WWOX: variants seen among roughly 807,000 people sequenced by gnomAD.
WWOX encodes the protein WW domain-containing oxidoreductase.
Under a neutral mutation model 46.2 loss-of-function variants are expected in WWOX, and 69 were observed. The ratio of observed to expected loss-of-function variants is 1.49; its 90% confidence interval spans 1.23 to 1.82. WWOX has a LOEUF of 1.82. Among genes scored for constraint, WWOX ranks in the 40% most tolerant of loss-of-function variants. The probability of loss-of-function intolerance (pLI) is 0.00; values close to 1 mark genes in which losing one functional copy is unlikely to be tolerated. For missense variants in WWOX, 919 were observed against 542.6 expected (o/e 1.69, Z -6.89); for synonymous variants, 359 against 202.6 (o/e 1.77, Z -6.56).
At chr16:78,612,027 C>G (rs1015752112) in intron 8 of WWOX, among the ~76,000 whole-genome samples, 1 of 152,214 alleles carries the variant, frequency 6.6e-6, no homozygotes, top group Non-Finnish European at 1.5e-5. Context: ...AGACTTAAGA[C>G]TTCTCAAGCA....
intron 5 of WWOX, among the ~76,000 whole-genome samples, chr16:78,375,194 T>C (rs1212365539): frequency 6.6e-6 from 1 of 152,260 alleles, no homozygotes; most frequent in Non-Finnish European, 1.5e-5. Flanking sequence ...ACCGTCGTCG[T>C]CATTTCTCAA....
intron 4 of WWOX, among the ~76,000 whole-genome samples, chr16:78,153,264 T>G (rs568641053): frequency 6.6e-6 from 1 of 152,312 alleles, no homozygotes; most frequent in East Asian, 1.9e-4. Flanking sequence ...TCTTAGAACT[T>G]CATCTGGAAA....
intron 1 of WWOX, chr16:78,100,273 A>G (rs1597190736): frequency 9.2e-7 from 1 of 1,090,012 alleles, no homozygotes; most frequent in Non-Finnish European, 1.1e-6. Flanking sequence ...TGTTTTGTCC[A>G]GACCGGTATT....
At chr16:78,959,851 C>T (rs1010141081) in intron 8 of WWOX, among the ~76,000 whole-genome samples, 3 of 152,164 alleles carry the variant, frequency 2.0e-5, no homozygotes, top group South Asian at 2.1e-4. Context: ...ATCCTGATGC[C>T]TGGTTTTCTT....
At chr16:78,643,374 G>C (rs2046765986) in intron 8 of WWOX, among the ~76,000 whole-genome samples, 1 of 152,092 alleles carries the variant, frequency 6.6e-6, no homozygotes, top group Non-Finnish European at 1.5e-5. Context: ...ATCTGTAACT[G>C]TTGCAAATTT....
intron 8 of WWOX, among the ~76,000 whole-genome samples, chr16:78,880,317 C>T (rs991960561): frequency 1.3e-5 from 2 of 152,326 alleles, no homozygotes; most frequent in South Asian, 2.1e-4. Flanking sequence ...AATGCTTTCA[C>T]CCGTACCTGT....
chr16:78,926,704 C>T (rs2045506566), intron 8 of WWOX, among the ~76,000 whole-genome samples: 1 of 152,150 alleles, frequency 6.6e-6, no homozygotes, highest in Admixed American at 6.5e-5. Context: ...AAGTTGTTTG[C>T]TTTTGAAAGA....
chr16:79,112,375 T>A (rs1031203922), intron 8 of WWOX, among the ~76,000 whole-genome samples: 1 of 151,956 alleles, frequency 6.6e-6, no homozygotes, highest in African/African-American at 2.4e-5. Context: ...AGCCAGAGAG[T>A]TGGGGAACAT....
chr16:78,892,752 C>T (rs1398348844), intron 8 of WWOX, among the ~76,000 whole-genome samples: 1 of 152,208 alleles, frequency 6.6e-6, no homozygotes, highest in Non-Finnish European at 1.5e-5. Flanking sequence ...TGGCATCCCA[C>T]AACTTTCTAA....
intron 8 of WWOX, among the ~76,000 whole-genome samples, chr16:78,919,620 C>A (rs1046651568): frequency 3.3e-5 from 5 of 149,568 alleles, no homozygotes; most frequent in African/African-American, 1.2e-4. Flanking sequence ...CGGGATCAAG[C>A]GATTCTCCTG....
intron 5 of WWOX, among the ~76,000 whole-genome samples, chr16:78,271,622 A>G (rs1437390943): frequency 1.3e-5 from 2 of 152,224 alleles, no homozygotes; most frequent in Non-Finnish European, 2.9e-5. Flanking sequence ...TGTTCACCCC[A>G]GTGAGGTGGA....
chr16:79,149,839 C>G (rs1415984186), intron 8 of WWOX, among the ~76,000 whole-genome samples: 2 of 152,140 alleles, frequency 1.3e-5, no homozygotes, highest in African/African-American at 2.4e-5. Context: ...ACCCCATCAG[C>G]CATCTTGCAG....
chr16:78,657,598 C>T (rs1258721205), intron 8 of WWOX, among the ~76,000 whole-genome samples: 1 of 152,172 alleles, frequency 6.6e-6, no homozygotes, highest in African/African-American at 2.4e-5. Context: ...CCACAGCCTA[C>T]TGGACCTTTG....
At chr16:79,091,778 TG>T (rs1159584930) in intron 8 of WWOX, among the ~76,000 whole-genome samples, 3 of 134,418 alleles carry the variant, frequency 2.2e-5, no homozygotes, top group Non-Finnish European at 3.1e-5. Flanking sequence ...TTCTTTTCTT[TG>T]TTTTTTTTTT....
At chr16:79,072,505 A>G (rs1431712523) in intron 8 of WWOX, among the ~76,000 whole-genome samples, 4 of 152,224 alleles carry the variant, frequency 2.6e-5, no homozygotes, top group Non-Finnish European at 4.4e-5. Flanking sequence ...TGGACAGAGA[A>G]AAGCTACACC....
chr16:78,962,226 A>C (rs2046283909), intron 8 of WWOX, among the ~76,000 whole-genome samples: 1 of 141,954 alleles, frequency 7.0e-6, no homozygotes, highest in African/African-American at 2.6e-5. Flanking sequence ...TGTTATGTGG[A>C]GGTGGCTTCT....
At chr16:78,949,291 T>C (rs963884971) in intron 8 of WWOX, among the ~76,000 whole-genome samples, 3 of 152,274 alleles carry the variant, frequency 2.0e-5, no homozygotes, top group Admixed American at 1.3e-4. Flanking sequence ...ACAGCAACTG[T>C]GCCGTCGTGA....
chr16:78,147,696 TAA>T (rs754297519), intron 4 of WWOX, among the ~76,000 whole-genome samples: 6,923 of 104,576 alleles, frequency 0.066, 289 homozygotes, highest in Non-Finnish European at 0.084. Context: ...TTTTTTTTTT[TAA>T]AAAAAAAAAA....
chr16:78,963,570 A>T (rs556235901), intron 8 of WWOX, among the ~76,000 whole-genome samples: 27 of 152,188 alleles, frequency 1.8e-4, no homozygotes, highest in African/African-American at 6.5e-4. Context: ...GAATTACTGA[A>T]TTAGAGTTCA....
Sources: allele counts gnomAD v4.1 joint callset (sites outside exome capture counted in the v4.1 genomes callset), GRCh38; gene constraint gnomAD v4.1.1; transcripts MANE v1.5; gene names NCBI Gene and HGNC (gene_info 2026-07-23, HGNC 2026-07-21).